The following SCAI variants were observed in gnomAD, a reference collection of about 807,000 sequenced individuals.
SCAI encodes protein SCAI.
In SCAI, 24 loss-of-function variants were observed where a neutral mutation model predicts 92.2. The ratio of observed to expected loss-of-function variants is 0.26; its 90% CI spans 0.19 to 0.37. The LOEUF (loss-of-function observed/expected upper bound fraction) is 0.37, where lower values mean the gene tolerates loss of function less well. Among genes scored for constraint, SCAI ranks in the 10% least tolerant of loss-of-function variants. The pLI, the probability that SCAI is intolerant of heterozygous loss-of-function variation, is 1.00. For synonymous variants in SCAI, 261 were observed against 258.6 expected (o/e 1.01, Z -0.09); for missense variants, 450 against 736.2 (o/e 0.61, Z 4.50).
chr9:125,103,467 C>T (rs1030950727), intron 2 of SCAI, among the ~76,000 whole-genome samples: 1 of 152,122 alleles, frequency 6.6e-6, no homozygotes, highest in Non-Finnish European at 1.5e-5. Flanking sequence ...GTAATATTAA[C>T]ATTAACAGTA....
At chr9:125,097,928 T>C (rs541546411) in intron 2 of SCAI, among the ~76,000 whole-genome samples, 1 of 151,824 alleles carries the variant, frequency 6.6e-6, no homozygotes, top group African/African-American at 2.4e-5. Context: ...TAAGAATGTA[T>C]ACAAGAATAT....
chr9:124,990,573 G>A (rs1333097828), intron 14 of SCAI, among the ~76,000 whole-genome samples: 2 of 152,036 alleles, frequency 1.3e-5, no homozygotes, highest in Non-Finnish European at 2.9e-5. Flanking sequence ...TGTGAGTTGG[G>A]GACAGAAAGA....
At chr9:125,003,720 G>T (rs898056294) in intron 9 of SCAI, 150 bp from the exon 10 acceptor site, 2 of 597,998 alleles carry the variant, frequency 3.3e-6, no homozygotes, top group Non-Finnish European at 5.9e-6. Flanking sequence ...AAATTTTCAA[G>T]CGATGGAAAG....
rs952188616 is a variant in SCAI at position 124,949,676 on chromosome 9, A to G, written c.*3131T>C. 2 of 151,622 alleles carry G rather than the reference A, an allele frequency of 1.3e-5. No individual in the cohort carries two copies. Among genetic ancestry groups the G allele is most frequent in the Non-Finnish European group, 2.9e-5 (2 of 67,904 alleles). The allele number at this position is 151,622 out of a possible 1,614,324, so 9.4% of individuals were successfully genotyped here. On this transcript the variant is annotated 3_prime_UTR_variant, in exon 18 of 18. Transcript: ENST00000336505. This position sits in a 1 kb window ranked among gnomAD's most constrained non-coding sequence, Gnocchi z 4.0. ...GTTCTTCTCTTAAGAAAACAAACAA[A>G]AGATTTACCTTACCATAATCTACAC...
At chr9:125,124,144 C>G (rs776974310) in intron 2 of SCAI, among the ~76,000 whole-genome samples, 6 of 152,068 alleles carry the variant, frequency 3.9e-5, no homozygotes, top group Non-Finnish European at 7.4e-5. Flanking sequence ...CAGAAGTTCT[C>G]AGAGATTAGG....
intron 2 of SCAI, among the ~76,000 whole-genome samples, chr9:125,084,864 A>C (rs1834295538): frequency 6.6e-6 from 1 of 152,212 alleles, no homozygotes; most frequent in African/African-American, 2.4e-5. Context: ...TTTTTTAAAA[A>C]TCTAATAAGC....
chr9:125,077,164 C>A (rs1834107426), intron 2 of SCAI, among the ~76,000 whole-genome samples: 1 of 152,200 alleles, frequency 6.6e-6, no homozygotes, highest in South Asian at 2.1e-4. Flanking sequence ...TATTCCGTCA[C>A]AATTCTGCTT....
At chr9:125,020,843 G>T in intron 6 of SCAI, 74 bp from the exon 7 acceptor site, 1 of 643,772 alleles carries the variant, frequency 1.6e-6, no homozygotes, top group Non-Finnish European at 2.7e-6. Flanking sequence ...TTTTCTGATA[G>T]CTTTTAAAAC....
At chr9:124,964,043 T>G (rs1232260966) in intron 17 of SCAI, among the ~76,000 whole-genome samples, 1 of 152,158 alleles carries the variant, frequency 6.6e-6, no homozygotes, top group Non-Finnish European at 1.5e-5. Flanking sequence ...TTTTCATTTC[T>G]CTAAAATGTT....
chr9:124,955,482 A>G (rs1164670229), intron 17 of SCAI, among the ~76,000 whole-genome samples: 1 of 151,776 alleles, frequency 6.6e-6, no homozygotes, highest in Non-Finnish European at 1.5e-5. Context: ...TTAGCTGGGC[A>G]TGGTGGCGGG....
At chr9:125,119,207 T>A (rs936001797) in intron 2 of SCAI, among the ~76,000 whole-genome samples, 2 of 152,134 alleles carry the variant, frequency 1.3e-5, no homozygotes, top group Non-Finnish European at 2.9e-5. Context: ...TGGCAGGTAA[T>A]ATCATTGAAG....
intron 2 of SCAI, among the ~76,000 whole-genome samples, chr9:125,141,081 T>C (rs900462942): frequency 6.6e-5 from 10 of 152,164 alleles, no homozygotes; most frequent in African/African-American, 2.4e-4. Context: ...CAGACTCACA[T>C]ACCCAAGTTG....
At chr9:125,043,877 G>T (rs909433860) in intron 3 of SCAI, among the ~76,000 whole-genome samples, 1 of 152,194 alleles carries the variant, frequency 6.6e-6, no homozygotes, top group African/African-American at 2.4e-5. Context: ...ACAGGTGGAA[G>T]CCGGGCCACC....
rs376572655 is a variant in SCAI at position 125,037,685 on chromosome 9, C to T, written c.231-7946G>A. 5.3e-5 allele frequency among the ~76,000 whole-genome samples: 8 copies of T among 152,178 alleles called. No homozygotes were observed. In the East Asian group the frequency reaches 1.5e-3, roughly 29 times the overall value. On this transcript the variant is annotated intron_variant, in intron 3 of 17. Transcript: ENST00000336505. Reference sequence around the variant, plus strand: ...ATATCAGCACTTTGGGAGGCCAAGGCGGGCGGATCATTTGAGGTCAGGAGT... The same window carrying T: ...ATATCAGCACTTTGGGAGGCCAAGGTGGGCGGATCATTTGAGGTCAGGAGT...
chr9:125,062,130 AT>A (rs111660631), intron 2 of SCAI, among the ~76,000 whole-genome samples: 126 of 146,126 alleles, frequency 8.6e-4, no homozygotes, highest in Admixed American at 8.2e-4. Flanking sequence ...TAATCTCTAG[AT>A]TTTTTTTTTT....
chr9:124,962,150 CTTTTTT>C (rs752939056), intron 17 of SCAI, among the ~76,000 whole-genome samples: 5 of 63,612 alleles, frequency 7.9e-5, no homozygotes, highest in African/African-American at 2.8e-4. Context: ...TAATATATGT[CTTTTTT>C]TTTTTTTTTT....
In SCAI at chr9:125,020,667, A is replaced by T. The variant is rs1266993573; in HGVS notation, c.609+6T>A. On this transcript the variant is annotated splice_donor_region_variant and intron_variant, in intron 7 of 17. Coordinates refer to ENST00000336505, the MANE Select transcript of SCAI (RefSeq NM_001144877.3). The stretch of plus-strand genomic sequence containing the variant: ...TTAGAATTTGAACTATTTAAAGTGT[A>T]TTTACCTTTACCAGATCCTTTACAA... The T allele has an allele frequency of 1.6e-6, 2 of 1,277,298 alleles. No individual in the cohort carries two copies. The highest frequency in any genetic ancestry group is 4.2e-5 in the Admixed American group (2 of 48,034). 79.1% of individuals were successfully genotyped at this position (1,277,298 alleles called of 1,614,324 possible).
intron 2 of SCAI, among the ~76,000 whole-genome samples, chr9:125,123,080 C>T (rs1281606602): frequency 2.6e-5 from 4 of 152,056 alleles, no homozygotes; most frequent in Non-Finnish European, 4.4e-5. Flanking sequence ...AGACAGGCTA[C>T]GACAGGCTCA....
At chr9:125,026,710 C>T (rs1454116729) in intron 6 of SCAI, 102 bp downstream of exon 6, 31 of 628,054 alleles carry the variant, frequency 4.9e-5, no homozygotes, top group Non-Finnish European at 6.0e-5. Flanking sequence ...GCCTGGTAAA[C>T]GAGTACACGT....
Sources: gnomAD v4.1 joint callset for allele counts (sites outside exome capture counted in the v4.1 genomes callset) on GRCh38, gnomAD v4.1.1 for gene constraint, Gnocchi (gnomAD v3.1) non-coding constraint, MANE v1.5 for transcripts, NCBI Gene and HGNC (gene_info 2026-07-23, HGNC 2026-07-21) for gene names.